The following FALEC variants were observed in gnomAD, a reference collection of about 807,000 sequenced individuals.
FALEC encodes focally amplified lncRNA regulator of ECM1.
At chr1:150,526,925 C>T in the FALEC span, among the ~76,000 whole-genome samples, 5 of 151,920 alleles carry the variant, frequency 3.3e-5, no homozygotes, top group Non-Finnish European at 7.4e-5. Flanking sequence ...TGAGCCACCA[C>T]GCCTGGCCTA....
intron 1 of FALEC, among the ~76,000 whole-genome samples, chr1:150,516,387 T>C (rs587624159): frequency 3.2e-4 from 49 of 152,332 alleles, no homozygotes; most frequent in Admixed American, 3.2e-3. Context: ...TCCCAAACCC[T>C]AGCAGTTTAG....
chr1:150,535,839 G>A, the FALEC span, among the ~76,000 whole-genome samples: 1 of 152,204 alleles, frequency 6.6e-6, no homozygotes, highest in East Asian at 1.9e-4. Flanking sequence ...TCCAGCAACT[G>A]GAGAACGAAA....
chr1:150,526,136 G>A, the FALEC span, among the ~76,000 whole-genome samples: 1 of 152,000 alleles, frequency 6.6e-6, no homozygotes, highest in East Asian at 1.9e-4. Context: ...GCTGAGGCGG[G>A]CGGATCACGA....
At chr1:150,522,876 CATATATATATACGTATAT>C (rs1560270644), downstream of FALEC, among the ~76,000 whole-genome samples, 9 of 98,122 alleles carry the variant, frequency 9.2e-5, no homozygotes, top group African/African-American at 1.3e-4. Flanking sequence ...CGTATATATA[CATATATATATACGTATAT>C]ATATATATAC....
chr1:150,522,530 G>A (rs1670656785), downstream of FALEC, among the ~76,000 whole-genome samples: 1 of 151,568 alleles, frequency 6.6e-6, no homozygotes, highest in African/African-American at 2.4e-5. Context: ...GGCTGAGGCA[G>A]GAGAATCGCT....
the FALEC span, among the ~76,000 whole-genome samples, chr1:150,536,498 T>C: frequency 1.1e-4 from 16 of 152,312 alleles, no homozygotes; most frequent in African/African-American, 3.8e-4. Context: ...AGACGGTTTC[T>C]AAAGTTCCTA....
downstream of FALEC, among the ~76,000 whole-genome samples, chr1:150,522,874 T>C (rs1356506589): frequency 8.2e-6 from 1 of 122,228 alleles, no homozygotes; most frequent in Non-Finnish European, 1.7e-5. Context: ...TACGTATATA[T>C]ACATATATAT....
the FALEC span, among the ~76,000 whole-genome samples, chr1:150,532,824 A>T: frequency 6.6e-6 from 1 of 152,080 alleles, no homozygotes; most frequent in Non-Finnish European, 1.5e-5. Context: ...AGCAAAATAA[A>T]CTAAGATGGT....
the FALEC span, among the ~76,000 whole-genome samples, chr1:150,531,846 C>G: frequency 6.6e-6 from 1 of 152,218 alleles, no homozygotes; most frequent in African/African-American, 2.4e-5. Context: ...ACACCTGAAG[C>G]CTTCACTTTC....
downstream of FALEC, among the ~76,000 whole-genome samples, chr1:150,519,449 G>A (rs1359414603): frequency 2.6e-5 from 4 of 152,098 alleles, no homozygotes; most frequent in Admixed American, 2.0e-4. Context: ...ATGTAAGGGC[G>A]GTGGCTCATG....
chr1:150,524,446 T>C, the FALEC span, among the ~76,000 whole-genome samples: 22 of 152,214 alleles, frequency 1.4e-4, no homozygotes, highest in Admixed American at 7.2e-4. Flanking sequence ...CACATCATCT[T>C]GACAGTGAAA....
the FALEC span, among the ~76,000 whole-genome samples, chr1:150,523,824 G>A: frequency 6.6e-6 from 1 of 152,038 alleles, no homozygotes; most frequent in Non-Finnish European, 1.5e-5. Context: ...TACAGCCAAG[G>A]GTATGGATCT....
the FALEC span, among the ~76,000 whole-genome samples, chr1:150,532,723 C>G: frequency 6.6e-6 from 1 of 151,708 alleles, no homozygotes; most frequent in Non-Finnish European, 1.5e-5. Context: ...AGGCCACTGA[C>G]TTCGTGGAGC....
the FALEC span, among the ~76,000 whole-genome samples, chr1:150,529,098 A>C: frequency 6.6e-6 from 1 of 150,498 alleles, no homozygotes; most frequent in African/African-American, 2.4e-5. Context: ...AAAGGTGTGA[A>C]TTGAAATATG....
chr1:150,516,401 G>T (rs970827511), intron 1 of FALEC, among the ~76,000 whole-genome samples: 1 of 152,240 alleles, frequency 6.6e-6, no homozygotes, highest in Admixed American at 6.5e-5. Context: ...AGTTTAGTCT[G>T]TCGGGGAGGA....
downstream of FALEC, among the ~76,000 whole-genome samples, chr1:150,520,005 CG>C (rs988615377): frequency 1.3e-5 from 2 of 151,954 alleles, no homozygotes; most frequent in Non-Finnish European, 2.9e-5. Flanking sequence ...CAAAATTAGC[CG>C]GGTGTGGTGG....
chr1:150,517,538 AG>A (rs780490267), intron 1 of FALEC, among the ~76,000 whole-genome samples: 2 of 152,082 alleles, frequency 1.3e-5, no homozygotes, highest in Non-Finnish European at 2.9e-5. Flanking sequence ...GGAGGTAATT[AG>A]GTCATGAGGG....
downstream of FALEC, among the ~76,000 whole-genome samples, chr1:150,522,375 C>G (rs1263159844): frequency 6.6e-6 from 1 of 152,140 alleles, no homozygotes; most frequent in Non-Finnish European, 1.5e-5. Context: ...GTAATCCCAG[C>G]ACTTTGGGAG....
At chr1:150,519,775 A>G (rs992437339), downstream of FALEC, among the ~76,000 whole-genome samples, 1 of 150,490 alleles carries the variant, frequency 6.6e-6, no homozygotes, top group Non-Finnish European at 1.5e-5. Context: ...GAGAATCAGG[A>G]GAATCGCTTG....
Sources: gnomAD v4.1 joint callset for allele counts (sites outside exome capture counted in the v4.1 genomes callset) on GRCh38, gnomAD v4.1.1 for gene constraint, MANE v1.5 for transcripts, NCBI Gene and HGNC (gene_info 2026-07-23, HGNC 2026-07-21) for gene names.